The following CLDN10 variants were observed in gnomAD, a reference collection of about 807,000 sequenced individuals.
The protein encoded by CLDN10 is claudin 10.
CLDN10 carries 15 observed loss-of-function variants against 22.9 expected under a neutral mutation model. That is an observed-to-expected ratio of 0.65 (90% CI 0.44 to 1.01). CLDN10 has a LOEUF of 1.01. Ranked by LOEUF, CLDN10 falls within the 50% of genes least tolerant of loss-of-function variation. The pLI is 0.00. For missense variants in CLDN10, 247 were observed against 287.8 expected (o/e 0.86, Z 1.03); for synonymous variants, 114 against 111.4 (o/e 1.02, Z -0.15).
chr13:95,542,694 C>A lies in CLDN10; in HGVS notation c.215-17438C>A, dbSNP rs532373629. 2.4e-3 allele frequency among the ~76,000 whole-genome samples: 360 copies of A among 152,176 alleles called. 5 individuals are homozygous for A. Among genetic ancestry groups the A allele is most frequent in the Non-Finnish European group, 7.8e-4 (53 of 68,022 alleles). On this transcript the variant is annotated intron_variant, in intron 1 of 4. Transcript: ENST00000376873. Reference sequence around the variant, plus strand: ...TGGTGGCGCACGCCTGTAGTTGCAGCTACTCGGGGGGCTGAGGCAGGAGAA... The same window carrying A: ...TGGTGGCGCACGCCTGTAGTTGCAGATACTCGGGGGGCTGAGGCAGGAGAA...
chr13:95,513,048 A>C (rs1164758859), intron 1 of CLDN10, among the ~76,000 whole-genome samples: 1 of 151,780 alleles, frequency 6.6e-6, no homozygotes, highest in Non-Finnish European at 1.5e-5. Context: ...GCTAATTTTT[A>C]AGTTTTTTGT....
intron 1 of CLDN10, among the ~76,000 whole-genome samples, chr13:95,511,997 C>A (rs1472745872): frequency 7.7e-6 from 1 of 130,656 alleles, no homozygotes; most frequent in Non-Finnish European, 1.7e-5. Flanking sequence ...TATCCCCCCC[C>A]TCTCCCCCCA....
intron 1 of CLDN10, among the ~76,000 whole-genome samples, chr13:95,445,641 G>A (rs780591764): frequency 2.0e-5 from 3 of 152,194 alleles, no homozygotes; most frequent in Non-Finnish European, 2.9e-5. Flanking sequence ...TCCTAGTATG[G>A]TGTTTTCCAA....
chr13:95,484,432 A>C (rs536000849), intron 1 of CLDN10, among the ~76,000 whole-genome samples: 5 of 152,286 alleles, frequency 3.3e-5, no homozygotes, highest in Non-Finnish European at 7.4e-5. Context: ...TTAAAGGAAA[A>C]TATTGGTAAA....
intron 1 of CLDN10, among the ~76,000 whole-genome samples, chr13:95,500,099 C>T (rs896174746): frequency 2.6e-5 from 4 of 152,180 alleles, no homozygotes; most frequent in Non-Finnish European, 4.4e-5. Context: ...TCTGCAAATA[C>T]TTACTGACTG....
rs532744417 is a variant in CLDN10 at position 95,511,942 on chromosome 13, G to T, written c.215-48190G>T. On this transcript the variant is annotated intron_variant, in intron 1 of 4. Transcript: ENST00000376873. The stretch of plus-strand genomic sequence containing the variant: ...TATACATGTGCCATGTTGGTGTGCT[G>T]CACCCATTAACTCATCATTTAACAT... Among the ~76,000 whole-genome samples, 32 of 139,558 alleles carry T rather than the reference G, an allele frequency of 2.3e-4. 1 individual carries two copies. The East Asian group carries it at 2.6e-3, about 11-fold the overall frequency. The allele number at this position is 139,558 out of a possible 152,430, so 91.6% of individuals were successfully genotyped here.
At chr13:95,516,345 T>C (rs2043167672) in intron 1 of CLDN10, among the ~76,000 whole-genome samples, 1 of 152,084 alleles carries the variant, frequency 6.6e-6, no homozygotes, top group African/African-American at 2.4e-5. Context: ...TCCAACTCTT[T>C]GAGAATTTTG....
intron 3 of CLDN10, among the ~76,000 whole-genome samples, chr13:95,561,818 T>TGTG (rs1344918369): frequency 6.6e-6 from 1 of 150,510 alleles, no homozygotes; most frequent in African/African-American, 2.4e-5. Context: ...CAGGCTGGAG[T>TGTG]GTGGTGGTGT....
intron 1 of CLDN10, among the ~76,000 whole-genome samples, chr13:95,474,023 A>T (rs1259724227): frequency 1.3e-5 from 2 of 152,238 alleles, no homozygotes; most frequent in African/African-American, 4.8e-5. Flanking sequence ...GGGTAGTTTC[A>T]GGATGATTCA....
rs1184317469 is a variant in CLDN10 at position 95,574,270 on chromosome 13, AG to A, written c.465-2960del. ...AAGTCTGTGATATGTGTCTTTCAATAGAAAGAAGGAAAAGTCTCTGAAAGAA... is the reference window on the plus strand; with the variant it reads ...AAGTCTGTGATATGTGTCTTTCAATAAAAGAAGGAAAAGTCTCTGAAAGAA... On this transcript the variant is annotated intron_variant, in intron 3 of 4. Coordinates refer to ENST00000299339, the MANE Select transcript of CLDN10 (RefSeq NM_006984.5). Among the ~76,000 whole-genome samples the A allele has an allele frequency of 3.3e-5, 5 of 152,306 alleles. No homozygotes were observed. In the East Asian group the frequency reaches 9.7e-4, roughly 29 times the overall value.
intron 1 of CLDN10, among the ~76,000 whole-genome samples, chr13:95,557,432 C>A (rs2043653014): frequency 6.6e-6 from 1 of 152,106 alleles, no homozygotes. Flanking sequence ...GGACTGGTAG[C>A]CTTAGAACAC....
intron 1 of CLDN10, among the ~76,000 whole-genome samples, chr13:95,519,266 A>T (rs1236761452): frequency 6.6e-6 from 1 of 151,966 alleles, no homozygotes; most frequent in Non-Finnish European, 1.5e-5. Context: ...AAGGTTGGTG[A>T]CCCTGAGCTG....
chr13:95,495,321 G>A lies in CLDN10; in HGVS notation c.214+61274G>A, dbSNP rs890151360. On this transcript the variant is annotated intron_variant, in intron 1 of 4. Transcript: ENST00000376873. The stretch of plus-strand genomic sequence containing the variant: ...CAAAGTGCTGGGATTACAGGCGTGA[G>A]CCACCGTGCCCTGCCCCTTTGCATA... Among the ~76,000 whole-genome samples the A allele has an allele frequency of 3.9e-4, 60 of 151,976 alleles. 1 individual carries two copies. Among genetic ancestry groups the A allele is most frequent in the African/African-American group, 4.8e-5 (2 of 41,416 alleles).
Position 95,501,758 on chromosome 13 carries a change from G to T in CLDN10, c.215-58374G>T, listed in dbSNP as rs2042988062. ...AGTCTAATAATCTCTGCCTTTATTT[G>T]AAATGTTTGGTGGTCCATTTACATT... On this transcript the variant is annotated intron_variant, in intron 1 of 4. Coordinates refer to the CLDN10 transcript ENST00000376873. 3.3e-5 allele frequency among the ~76,000 whole-genome samples: 5 copies of T among 152,034 alleles called. No individual in the cohort carries two copies. In the South Asian group the frequency reaches 1.0e-3, roughly 32 times the overall value.
At chr13:95,454,827 G>A (rs926040175) in intron 1 of CLDN10, among the ~76,000 whole-genome samples, 1 of 152,204 alleles carries the variant, frequency 6.6e-6, no homozygotes, top group African/African-American at 2.4e-5. Context: ...TATTTTGGGG[G>A]AGGTGTGGTG....
chr13:95,500,411 G>A (rs1003883774), intron 1 of CLDN10, among the ~76,000 whole-genome samples: 1 of 152,210 alleles, frequency 6.6e-6, no homozygotes, highest in Non-Finnish European at 1.5e-5. Flanking sequence ...GAGTGCGCCT[G>A]GCAGAGGGAA....
chr13:95,534,950 A>G (rs1365519725), intron 1 of CLDN10, among the ~76,000 whole-genome samples: 1 of 152,166 alleles, frequency 6.6e-6, no homozygotes, highest in Non-Finnish European at 1.5e-5. Context: ...TAAATGCAAC[A>G]ATGGAAGCAC....
chr13:95,520,575 G>A (rs541367399), intron 1 of CLDN10, among the ~76,000 whole-genome samples: 1 of 152,152 alleles, frequency 6.6e-6, no homozygotes, highest in Non-Finnish European at 1.5e-5. Flanking sequence ...ATTTCACCAT[G>A]TTGGTCAGGC....
intron 1 of CLDN10, among the ~76,000 whole-genome samples, chr13:95,545,043 G>A (rs1355447004): frequency 3.9e-5 from 6 of 151,902 alleles, no homozygotes; most frequent in Non-Finnish European, 8.8e-5. Context: ...CTCCCAAAGG[G>A]CTAGGGTTGC....
Sources: allele counts gnomAD v4.1 joint callset (sites outside exome capture counted in the v4.1 genomes callset), GRCh38; gene constraint gnomAD v4.1.1; transcripts MANE v1.5; gene names NCBI Gene and HGNC (gene_info 2026-07-23, HGNC 2026-07-21).